Variants in ADGRL2 observed in about 807,000 individuals in gnomAD.
ADGRL2 encodes the protein calcium-independent alpha-latrotoxin receptor 2.
A neutral mutation model predicts 157.4 loss-of-function variants in ADGRL2; 44 were observed. The ratio of observed to expected loss-of-function variants is 0.28; its 90% CI spans 0.22 to 0.36. ADGRL2 has a LOEUF of 0.36. Among genes scored for constraint, ADGRL2 ranks in the 10% least tolerant of loss-of-function variants. ADGRL2 has a pLI of 1.00. For missense variants in ADGRL2, 1,510 were observed against 1,768.9 expected (o/e 0.85, Z 2.63); for synonymous variants, 585 against 624.7 (o/e 0.94, Z 0.95).
At chr1:81,427,054 T>C in intron 1 of ADGRL2, 2 of 1,338,418 alleles carry the variant, frequency 1.5e-6, no homozygotes, top group African/African-American at 1.4e-5. Flanking sequence ...TACCACACTA[T>C]TAATGGGCAT....
In ADGRL2 at chr1:81,752,755, G is replaced by T. The variant is rs564214395; in HGVS notation, c.-142-9056G>T. Among the ~76,000 whole-genome samples the T allele has an allele frequency of 2.6e-5, 4 of 152,188 alleles. 1 individual carries two copies. The South Asian group carries it at 8.3e-4, about 32-fold the overall frequency. On this transcript the variant is annotated intron_variant, in intron 1 of 20. Coordinates refer to the ADGRL2 transcript ENST00000359929. Reference sequence around the variant, plus strand: ...AGCCATTCGCCACTGTGCCCAGTTGGTTTTCTGTTTTCTTTTGTCTTAAAG... The same window carrying T: ...AGCCATTCGCCACTGTGCCCAGTTGTTTTTCTGTTTTCTTTTGTCTTAAAG...
chr1:81,805,049 A>G (rs1285888041), intron 1 of ADGRL2, among the ~76,000 whole-genome samples: 1 of 152,196 alleles, frequency 6.6e-6, no homozygotes, highest in East Asian at 1.9e-4. Flanking sequence ...ATTTAAATAG[A>G]TAATTCTGTT....
intron 1 of ADGRL2, among the ~76,000 whole-genome samples, chr1:81,805,605 A>G (rs1460761764): frequency 6.7e-6 from 1 of 150,288 alleles, no homozygotes; most frequent in African/African-American, 2.4e-5. Flanking sequence ...TTTTTTTTGG[A>G]TTACAATTAG....
chr1:81,916,879 A>G (rs1250686238), intron 3 of ADGRL2, among the ~76,000 whole-genome samples: 2 of 152,046 alleles, frequency 1.3e-5, no homozygotes, highest in African/African-American at 4.8e-5. Context: ...TTTACCCCAA[A>G]TCCATATTTT....
At chr1:81,434,505 A>T (rs1340954156) in intron 1 of ADGRL2, among the ~76,000 whole-genome samples, 6 of 152,084 alleles carry the variant, frequency 3.9e-5, no homozygotes, top group Admixed American at 3.9e-4. Context: ...CTGGTGCTTG[A>T]TGAGGGTACC....
intron 1 of ADGRL2, among the ~76,000 whole-genome samples, chr1:81,442,976 TG>T (rs1185149389): frequency 6.6e-6 from 1 of 152,210 alleles, no homozygotes; most frequent in African/African-American, 2.4e-5. Flanking sequence ...CCTACTCTGT[TG>T]CTCTCACAAT....
intron 2 of ADGRL2, among the ~76,000 whole-genome samples, chr1:81,515,374 T>C (rs935212191): frequency 4.6e-5 from 7 of 150,580 alleles, no homozygotes; most frequent in African/African-American, 1.7e-4. Flanking sequence ...GCTTAGAACA[T>C]GATAATGGTG....
intron 2 of ADGRL2, among the ~76,000 whole-genome samples, chr1:81,850,192 C>T (rs1219551658): frequency 6.6e-6 from 1 of 151,858 alleles, no homozygotes; most frequent in Admixed American, 6.6e-5. Flanking sequence ...GAGGCTTAAC[C>T]ATAGCATTTC....
chr1:81,798,741 G>A (rs2087718006), upstream of ADGRL2, among the ~76,000 whole-genome samples: 1 of 152,094 alleles, frequency 6.6e-6, no homozygotes, highest in Non-Finnish European at 1.5e-5. Flanking sequence ...TTTTTCCAGA[G>A]ATTATTTCTG....
intron 1 of ADGRL2, among the ~76,000 whole-genome samples, chr1:81,388,094 C>T (rs1457322376): frequency 6.6e-6 from 1 of 152,076 alleles, no homozygotes; most frequent in Admixed American, 6.6e-5. Flanking sequence ...CTGTTTCTTG[C>T]AGCTATTTTC....
intron 12 of ADGRL2, 91 bp downstream of exon 12, chr1:81,966,274 A>T: frequency 6.4e-7 from 1 of 1,558,718 alleles, no homozygotes; most frequent in East Asian, 2.3e-5. Flanking sequence ...TATATAACAA[A>T]AAAACGGCTT....
intron 1 of ADGRL2, among the ~76,000 whole-genome samples, chr1:81,329,868 A>G (rs556737002): frequency 1.3e-5 from 2 of 152,302 alleles, no homozygotes; most frequent in Admixed American, 1.3e-4. Flanking sequence ...TATCGTTACC[A>G]GTACATTAAT....
intron 2 of ADGRL2, among the ~76,000 whole-genome samples, chr1:81,553,583 A>G (rs890901922): frequency 6.6e-6 from 1 of 152,184 alleles, no homozygotes; most frequent in Non-Finnish European, 1.5e-5. Context: ...ACACACATCA[A>G]TACCTTCTTT....
At chr1:81,328,670 TA>T (rs1228435218) in intron 1 of ADGRL2, among the ~76,000 whole-genome samples, 1 of 152,104 alleles carries the variant, frequency 6.6e-6, no homozygotes, top group Admixed American at 6.6e-5. Flanking sequence ...AAGAAGACTG[TA>T]GAGAACGTTC....
chr1:81,812,669 C>A (rs1412487452), intron 1 of ADGRL2, among the ~76,000 whole-genome samples: 1 of 151,624 alleles, frequency 6.6e-6, no homozygotes. Context: ...ATTAAATGAC[C>A]ACTAAACATA....
intron 3 of ADGRL2, among the ~76,000 whole-genome samples, chr1:81,669,861 T>C (rs1251155396): frequency 6.7e-6 from 1 of 148,300 alleles, no homozygotes; most frequent in Non-Finnish European, 1.5e-5. Context: ...GAGAATGGCA[T>C]GAACCCGGGA....
chr1:81,677,305 C>T (rs1005849449), intron 3 of ADGRL2, among the ~76,000 whole-genome samples: 1 of 152,114 alleles, frequency 6.6e-6, no homozygotes, highest in Non-Finnish European at 1.5e-5. Flanking sequence ...GATTTTTAAA[C>T]GGAAGATTCA....
chr1:81,663,773 C>T (rs1435788782), intron 3 of ADGRL2, among the ~76,000 whole-genome samples: 1 of 152,128 alleles, frequency 6.6e-6, no homozygotes, highest in Non-Finnish European at 1.5e-5. Context: ...TCATGCTAAT[C>T]GTTAAAGTCA....
chr1:81,866,686 T>G lies in ADGRL2; in HGVS notation c.73+29629T>G, dbSNP rs548933775. 5.3e-5 allele frequency among the ~76,000 whole-genome samples: 8 copies of G among 152,296 alleles called. No homozygotes were observed. In the East Asian group the frequency reaches 1.5e-3, roughly 29 times the overall value. The stretch of plus-strand genomic sequence containing the variant: ...TCTGAAAATTATTGAAAATTCTTAT[T>G]GAAATGGTGTTTTACTGAGATGACA... On this transcript the variant is annotated intron_variant, in intron 2 of 23. Transcript: ENST00000686636.
Sources: gnomAD v4.1 joint callset for allele counts (sites outside exome capture counted in the v4.1 genomes callset) on GRCh38, gnomAD v4.1.1 for gene constraint, MANE v1.5 for transcripts, NCBI Gene and HGNC (gene_info 2026-07-23, HGNC 2026-07-21) for gene names.